The following CYREN variants were observed in gnomAD, a reference collection of about 807,000 sequenced individuals.
The protein encoded by CYREN is cell cycle regulator of non-homologous end joining.
CYREN carries 7 observed loss-of-function variants against 9.7 expected under a neutral mutation model. The ratio of observed to expected loss-of-function variants is 0.72; its 90% CI spans 0.41 to 1.36. CYREN has a LOEUF of 1.36. Among genes scored for constraint, CYREN ranks in the 40% most tolerant of loss-of-function variants. CYREN has a pLI of 0.01. For synonymous variants in CYREN, 76 were observed against 77.9 expected (o/e 0.98, Z 0.13); for missense variants, 215 against 198.1 (o/e 1.09, Z -0.51).
At chr7:135,122,618 C>A (rs144423077) in intron 2 of CYREN, among the ~76,000 whole-genome samples, 1 of 152,170 alleles carries the variant, frequency 6.6e-6, no homozygotes, top group Non-Finnish European at 1.5e-5. Context: ...ATACCCTATA[C>A]GTGAGCAATA....
Position 135,166,588 on chromosome 7 carries a change from C to T in CYREN, c.*23G>A. Reference sequence around the variant, plus strand: ...CTGTCCTCCAGCTGCTCTCGGCAGACAGTTCAGTGCACAGTTTATGCCCTA... The same window carrying T: ...CTGTCCTCCAGCTGCTCTCGGCAGATAGTTCAGTGCACAGTTTATGCCCTA... On this transcript the variant is annotated 3_prime_UTR_variant, in exon 4 of 4. Coordinates refer to ENST00000393114, the MANE Select transcript of CYREN (RefSeq NM_024033.4). 6.5e-7 allele frequency: 1 copy of T among 1,548,630 alleles called. No homozygotes were observed. The highest frequency in any genetic ancestry group is 1.2e-5 in the South Asian group (1 of 82,970).
chr7:135,106,382 A>C (rs1157622860), intron 2 of CYREN, among the ~76,000 whole-genome samples: 1 of 152,160 alleles, frequency 6.6e-6, no homozygotes, highest in Non-Finnish European at 1.5e-5. Context: ...ATTTTTAGGT[A>C]TGTTCCTTCA....
intron 2 of CYREN, among the ~76,000 whole-genome samples, chr7:135,138,943 C>T (rs1829403633): frequency 6.6e-6 from 1 of 152,054 alleles, no homozygotes; most frequent in African/African-American, 2.4e-5. Context: ...TATATGGCTG[C>T]ATAGTATTCT....
intron 2 of CYREN, among the ~76,000 whole-genome samples, chr7:135,128,121 G>A (rs377641625): frequency 3.0e-4 from 46 of 151,560 alleles, no homozygotes; most frequent in African/African-American, 9.0e-4. Flanking sequence ...GTGAAACCCC[G>A]TCTCTACTAA....
chr7:135,139,204 C>T (rs552400845), intron 2 of CYREN, among the ~76,000 whole-genome samples: 4 of 152,164 alleles, frequency 2.6e-5, no homozygotes, highest in African/African-American at 7.2e-5. Context: ...AATGTACATT[C>T]CTGCCAACAG....
intron 2 of CYREN, among the ~76,000 whole-genome samples, chr7:135,150,835 G>A (rs987929120): frequency 5.3e-5 from 8 of 152,192 alleles, no homozygotes; most frequent in African/African-American, 1.4e-4. Context: ...CACCCTGGGT[G>A]ACAGAGCAAG....
intron 2 of CYREN, chr7:135,152,782 T>C (rs1829696040): frequency 6.6e-6 from 1 of 152,232 alleles, no homozygotes; most frequent in Admixed American, 6.5e-5. Context: ...TTACCTGTTT[T>C]TTCTTTTAAT....
intron 1 of CYREN, among the ~76,000 whole-genome samples, chr7:135,170,053 G>T (rs1467419792): frequency 6.6e-6 from 1 of 152,226 alleles, no homozygotes; most frequent in Non-Finnish European, 1.5e-5. Flanking sequence ...GACAAATTTA[G>T]TTCACCCTGG....
At chr7:135,109,363 A>G (rs1346190453) in intron 2 of CYREN, among the ~76,000 whole-genome samples, 1 of 152,240 alleles carries the variant, frequency 6.6e-6, no homozygotes, top group Non-Finnish European at 1.5e-5. Flanking sequence ...GCTCTGTCCC[A>G]GGCAGTTGTA....
downstream of CYREN, among the ~76,000 whole-genome samples, chr7:135,163,412 T>C (rs1252248865): frequency 2.0e-5 from 3 of 151,470 alleles, no homozygotes; most frequent in Non-Finnish European, 4.4e-5. Context: ...GAGGCCAAGG[T>C]GGGTGGATCA....
chr7:135,164,590 A>G (rs557751178), downstream of CYREN: 55 of 1,614,208 alleles, frequency 3.4e-5, no homozygotes, highest in East Asian at 6.7e-5. Flanking sequence ...ATCGGCTTCT[A>G]TAACTTCTGC....
At chr7:135,117,558 T>G (rs1407760901) in intron 2 of CYREN, among the ~76,000 whole-genome samples, 1 of 152,160 alleles carries the variant, frequency 6.6e-6, no homozygotes, top group Admixed American at 6.5e-5. Context: ...CTATAGGTAA[T>G]AGCATGTAAG....
rs552364341 is a variant in CYREN, at chr7:135,166,824, A to G, written c.261T>C (p.Ala87=). The change falls in exon 4 of 4, where the codon GCT becomes GCC. Residue 87 remains alanine (A), a synonymous_variant. Coordinates refer to ENST00000393114, the MANE Select transcript of CYREN (RefSeq NM_024033.4). Reference sequence around the variant, plus strand: ...AGGGAGGGGAGTGCTCTGGGTTATCAGCCCCCGCCAGGGCCGGCTGCTCGC... The same window carrying G: ...AGGGAGGGGAGTGCTCTGGGTTATCGGCCCCCGCCAGGGCCGGCTGCTCGC... ...KACEQPALAG[A]DNPEHSPPCS... 3.1e-6 allele frequency: 5 copies of G among 1,614,014 alleles called. No homozygotes were observed. The highest frequency in any genetic ancestry group is 1.3e-5 in the African/African-American group (1 of 74,936).
At chr7:135,164,978 G>C (rs765977165), downstream of CYREN, 26 of 1,599,640 alleles carry the variant, frequency 1.6e-5, no homozygotes, top group African/African-American at 2.7e-5. Context: ...AGAGGGCTGA[G>C]AGCAAGCTTG....
chr7:135,114,939 C>T (rs1986485), intron 2 of CYREN, among the ~76,000 whole-genome samples: 144,921 of 152,188 alleles, frequency 0.95, 69,342 homozygotes, highest in Non-Finnish European at 1. Flanking sequence ...CCTAAATTTA[C>T]CCCTTATAAC....
intron 2 of CYREN, among the ~76,000 whole-genome samples, chr7:135,134,681 A>C (rs1480124434): frequency 6.6e-6 from 1 of 152,082 alleles, no homozygotes; most frequent in Non-Finnish European, 1.5e-5. Flanking sequence ...AAAAATCATG[A>C]TCAGAGATGA....
downstream of CYREN, chr7:135,164,357 T>G (rs905405592): frequency 3.7e-6 from 5 of 1,341,720 alleles, no homozygotes; most frequent in Non-Finnish European, 5.2e-6. Context: ...GAACATGAGC[T>G]TGTCTGGACA....
At chr7:135,164,695 T>G (rs1397584176), downstream of CYREN, 2 of 1,614,062 alleles carry the variant, frequency 1.2e-6, no homozygotes, top group Non-Finnish European at 1.7e-6. Flanking sequence ...CTGGCCAGGC[T>G]TGGCGTGTAC....
Position 135,167,782 on chromosome 7 carries a change from A to G in CYREN, c.163T>C (p.Cys55Arg). The G allele has an allele frequency of 8.1e-6, 13 of 1,614,236 alleles. No individual in the cohort carries two copies. Among genetic ancestry groups the G allele is most frequent in the Non-Finnish European group, 1.0e-5 (12 of 1,180,036 alleles). ...TCAACTATCTCAGCCTCATTCATGC[A>G]GTACACAGTCCTTGTCGCAGGGAGT... Reference protein sequence around the residue: ...ARLPATRTVYCMNEAEIVDVA... With the variant: ...ARLPATRTVYRMNEAEIVDVA... Residue 55 changes from cysteine (C) to arginine (R), a missense_variant, in exon 3 of 4, where the codon TGC (cysteine) becomes CGC (arginine). By Grantham distance (180) the Cys-to-Arg change is radical. Transcript: ENST00000393114.
Sources: gnomAD v4.1 joint callset for allele counts (sites outside exome capture counted in the v4.1 genomes callset) on GRCh38, gnomAD v4.1.1 for gene constraint, MANE v1.5 for transcripts, NCBI Gene and HGNC (gene_info 2026-07-23, HGNC 2026-07-21) for gene names.